NMNAT3: variants seen among roughly 807,000 people sequenced by gnomAD.
NMNAT3 encodes nicotinamide/nicotinic acid mononucleotide adenylyltransferase 3.
In NMNAT3, 21 loss-of-function variants were observed where a neutral mutation model predicts 24.8. The observed-to-expected ratio is 0.85, with a 90% CI of 0.60 to 1.22. The LOEUF is 1.22. Ranked by LOEUF, NMNAT3 falls within the 50% of genes most tolerant of loss-of-function variation. The pLI, the probability that NMNAT3 is intolerant of heterozygous loss-of-function variation, is 0.00. For synonymous variants in NMNAT3, 136 were observed against 155.2 expected, an observed-to-expected ratio of 0.88 and a Z score of 0.92; for missense variants, 387 against 436.6, an observed-to-expected ratio of 0.89 and a Z score of 1.01.
At chr3:139,650,866 T>G (rs978156642) in intron 1 of NMNAT3, among the ~76,000 whole-genome samples, 3 of 152,186 alleles carry the variant, frequency 2.0e-5, no homozygotes, top group Non-Finnish European at 4.4e-5. Context: ...AAGGGAGAAG[T>G]ATTTATCTTT....
intron 2 of NMNAT3, among the ~76,000 whole-genome samples, chr3:139,629,520 T>C (rs920542618): frequency 2.6e-5 from 4 of 152,252 alleles, no homozygotes; most frequent in African/African-American, 9.6e-5. Flanking sequence ...CAGTAATAGA[T>C]AATACAGAAA....
chr3:139,640,280 TG>T (rs1281039654), intron 1 of NMNAT3, among the ~76,000 whole-genome samples: 2 of 152,076 alleles, frequency 1.3e-5, no homozygotes, highest in Non-Finnish European at 1.5e-5. Flanking sequence ...GCAGCCTGAT[TG>T]GGGGAAAACT....
intron 3 of NMNAT3, among the ~76,000 whole-genome samples, chr3:139,610,175 A>G (rs2055142148): frequency 6.6e-6 from 1 of 152,024 alleles, no homozygotes; most frequent in Non-Finnish European, 1.5e-5. Context: ...GGTCTCATGA[A>G]GTGTCTGAGG....
At chr3:139,607,143 A>G (rs1308397707) in intron 3 of NMNAT3, among the ~76,000 whole-genome samples, 1 of 151,408 alleles carries the variant, frequency 6.6e-6, no homozygotes, top group Non-Finnish European at 1.5e-5. Context: ...AATTTTATAT[A>G]AATATATAAT....
chr3:139,580,209 C>CA lies in NMNAT3; in HGVS notation c.392-1155dup, dbSNP rs529915528. ...TTTTTGAGACAGAGTCTTGCTCTGTCACCCAGGCTGGAGTGCAGTGGTGCA... is the reference window on the plus strand; with the variant it reads ...TTTTTGAGACAGAGTCTTGCTCTGTCAACCCAGGCTGGAGTGCAGTGGTGCA... On this transcript the variant is annotated intron_variant, in intron 4 of 6. Coordinates refer to ENST00000643695, the MANE Select transcript of NMNAT3 (RefSeq NM_001320510.2). 1.9e-4 allele frequency among the ~76,000 whole-genome samples: 28 copies of CA among 147,328 alleles called. No individual in the cohort carries two copies. The South Asian group carries it at 3.3e-3, about 17-fold the overall frequency.
chr3:139,569,155 G>A (rs1937646211), intron 6 of NMNAT3: 1 of 129,842 alleles, frequency 7.7e-6, no homozygotes, highest in Admixed American at 8.5e-5. Flanking sequence ...TCAGAGACTA[G>A]GATTGCAACC....
intron 3 of NMNAT3, among the ~76,000 whole-genome samples, chr3:139,623,400 T>C (rs926550410): frequency 6.6e-6 from 1 of 152,194 alleles, no homozygotes; most frequent in Non-Finnish European, 1.5e-5. Context: ...TCTGGAATTC[T>C]TTCTGAAGGA....
At chr3:139,563,073 C>G (rs1936652880) in intron 6 of NMNAT3, among the ~76,000 whole-genome samples, 1 of 152,198 alleles carries the variant, frequency 6.6e-6, no homozygotes, top group African/African-American at 2.4e-5. Context: ...ACTCATTTAT[C>G]TACCACTCTA....
At position 139,631,959 on chromosome 3, in the gene NMNAT3, TG is replaced by T. The variant is rs1358250849; in HGVS notation, c.-40-4196del. Among the ~76,000 whole-genome samples, 7 of 152,314 alleles carry T rather than the reference TG, an allele frequency of 4.6e-5. No homozygotes were observed. In the East Asian group the frequency reaches 9.7e-4, roughly 21 times the overall value. On this transcript the variant is annotated intron_variant, in intron 2 of 6. Transcript: ENST00000643695. ...TCTTAGAGGTTTTTTATTTTTTATT[TG>T]TTTTTTTAAGAGACAGGGTCCCACT...
chr3:139,667,325 T>C (rs770036900), intron 1 of NMNAT3, among the ~76,000 whole-genome samples: 9 of 152,220 alleles, frequency 5.9e-5, no homozygotes, highest in African/African-American at 1.4e-4. Flanking sequence ...TAACCTCTCA[T>C]TGTGGTTTTG....
intron 4 of NMNAT3, among the ~76,000 whole-genome samples, chr3:139,579,823 G>T (rs1939903219): frequency 6.6e-6 from 1 of 152,162 alleles, no homozygotes. Flanking sequence ...AAGAGTGCCT[G>T]CCATAAATGA....
intron 3 of NMNAT3, among the ~76,000 whole-genome samples, chr3:139,614,679 A>G: frequency 6.6e-6 from 1 of 152,234 alleles, no homozygotes; most frequent in Admixed American, 6.5e-5. Context: ...TCGGTGCATC[A>G]TATCACAACA....
chr3:139,596,030 C>CA (rs201280338), intron 3 of NMNAT3, among the ~76,000 whole-genome samples: 2,304 of 152,314 alleles, frequency 0.015, 31 homozygotes, highest in Admixed American at 0.042. Flanking sequence ...AGGCAACCTA[C>CA]AAAATTTTAT....
intron 5 of NMNAT3, among the ~76,000 whole-genome samples, chr3:139,576,792 C>T (rs563118585): frequency 2.0e-4 from 30 of 152,244 alleles, no homozygotes; most frequent in South Asian, 6.2e-4. Context: ...TGTGGTGACT[C>T]ATGCCTGTAA....
intron 3 of NMNAT3, among the ~76,000 whole-genome samples, chr3:139,607,887 C>T (rs542100334): frequency 3.9e-5 from 6 of 152,276 alleles, no homozygotes; most frequent in Non-Finnish European, 5.9e-5. Context: ...CTATAATTAT[C>T]AGTAACTCAT....
At chr3:139,603,410 G>A (rs2054799961) in intron 3 of NMNAT3, among the ~76,000 whole-genome samples, 1 of 152,114 alleles carries the variant, frequency 6.6e-6, no homozygotes, top group Non-Finnish European at 1.5e-5. Flanking sequence ...ACAATTTGGG[G>A]TGTATATGAG....
chr3:139,612,253 C>G (rs1483052798), intron 3 of NMNAT3, among the ~76,000 whole-genome samples: 2 of 151,790 alleles, frequency 1.3e-5, no homozygotes, highest in Non-Finnish European at 2.9e-5. Context: ...AATCAGGGAA[C>G]CGAGTCTAAA....
intron 3 of NMNAT3, among the ~76,000 whole-genome samples, chr3:139,601,883 C>T (rs1207891228): frequency 6.6e-6 from 1 of 152,170 alleles, no homozygotes; most frequent in East Asian, 1.9e-4. Flanking sequence ...CAGATGGTAA[C>T]CTAAGAAAGG....
In NMNAT3 at chr3:139,579,146, G is replaced by T. The variant is rs141617456; in HGVS notation, c.392-91C>A. ...CAGGCAGGTGCTAAATGTCTCCAGT[G>T]CCTCATCCTGAGTGGTAGTAGACTC... On this transcript the variant is annotated intron_variant, in intron 4 of 6. Transcript: ENST00000643695. 6.5e-4 allele frequency: 683 copies of T among 1,043,150 alleles called. 8 individuals are homozygous for T. In the East Asian group the frequency reaches 0.017, roughly 25 times the overall value. The allele number at this position is 1,043,150 out of a possible 1,614,324, so 64.6% of individuals were successfully genotyped here.
Sources: gnomAD v4.1 joint callset for allele counts (sites outside exome capture counted in the v4.1 genomes callset) on GRCh38, gnomAD v4.1.1 for gene constraint, MANE v1.5 for transcripts, NCBI Gene and HGNC (gene_info 2026-07-23, HGNC 2026-07-21) for gene names.